Variants in KIAA1958 observed in about 807,000 individuals in gnomAD.
KIAA1958 encodes uncharacterized protein KIAA1958.
In KIAA1958, 14 loss-of-function variants were observed where a neutral mutation model predicts 47.2. The ratio of observed to expected loss-of-function variants is 0.30; its 90% CI spans 0.20 to 0.46. KIAA1958 has a LOEUF of 0.46. Ranked by LOEUF, KIAA1958 falls within the 20% of genes least tolerant of loss-of-function variation. The pLI is 1.00. For missense variants in KIAA1958, 803 were observed against 909.2 expected, an observed-to-expected ratio of 0.88 and a Z score of 1.50; for synonymous variants, 354 against 353.3, an observed-to-expected ratio of 1.00 and a Z score of -0.02.
At position 112,645,599 on chromosome 9, in the gene KIAA1958, AAAG is replaced by A. The variant is rs776162745; in HGVS notation, c.1172-47_1172-45del. On this transcript the variant is annotated intron_variant, in intron 2 of 3. Coordinates refer to ENST00000337530, the MANE Select transcript of KIAA1958 (RefSeq NM_133465.4). ...TTATCATCCCAAGATGTAATTCTCT[AAAG>A]AAGGGAATGGCAAATTATTTTAATG... The A allele has an allele frequency of 4.5e-5, 57 of 1,276,008 alleles. 1 individual carries two copies. Among genetic ancestry groups the A allele is most frequent in the Non-Finnish European group, 5.4e-5 (49 of 911,948 alleles). 79.0% of individuals were successfully genotyped at this position (1,276,008 alleles called of 1,614,324 possible). A position where few individuals can be genotyped will look rare whatever the true frequency, so the allele number is the denominator to read the frequency against.
chr9:112,504,883 G>A (rs761676549), intron 1 of KIAA1958, among the ~76,000 whole-genome samples: 5 of 152,086 alleles, frequency 3.3e-5, no homozygotes, highest in African/African-American at 4.8e-5. Context: ...TGTATAATGC[G>A]TAGTGATCAA....
chr9:112,631,714 T>C (rs1048573375), intron 2 of KIAA1958, among the ~76,000 whole-genome samples: 2 of 152,114 alleles, frequency 1.3e-5, no homozygotes, highest in African/African-American at 4.8e-5. Context: ...CGTTTAACTT[T>C]TGATGTTTGA....
chr9:112,608,938 T>A (rs958813650), intron 2 of KIAA1958, among the ~76,000 whole-genome samples: 7 of 152,204 alleles, frequency 4.6e-5, no homozygotes, highest in Non-Finnish European at 8.8e-5. Flanking sequence ...GTGATAACAC[T>A]AGAAAAATTT....
At chr9:112,632,980 A>T (rs189542893) in intron 2 of KIAA1958, among the ~76,000 whole-genome samples, 83 of 151,800 alleles carry the variant, frequency 5.5e-4, no homozygotes, top group African/African-American at 1.9e-3. Flanking sequence ...CAGGTACCTA[A>T]ATTTGCTTTT....
chr9:112,495,221 A>G (rs894068210), intron 1 of KIAA1958, among the ~76,000 whole-genome samples: 3 of 151,894 alleles, frequency 2.0e-5, no homozygotes, highest in African/African-American at 7.3e-5. Context: ...CTATTTTCTT[A>G]ATTCCTCTTA....
intron 2 of KIAA1958, among the ~76,000 whole-genome samples, chr9:112,584,807 G>A (rs1277233612): frequency 6.6e-5 from 10 of 152,158 alleles, no homozygotes; most frequent in South Asian, 2.1e-4. Context: ...AAGTTATGAC[G>A]GGTGAGAGGG....
intron 1 of KIAA1958, among the ~76,000 whole-genome samples, chr9:112,529,423 C>G (rs1038559643): frequency 1.3e-5 from 2 of 152,184 alleles, no homozygotes; most frequent in Non-Finnish European, 2.9e-5. Context: ...TCCAGGACCC[C>G]ATCCACAATA....
rs76336302 is a variant in KIAA1958 at position 112,586,301 on chromosome 9, G to A, written c.1171+11050G>A. ...ACCCATTCCATGTCATAATTTATTCGAAACACTTTCTACTCAGCTAAAAAT... is the reference window on the plus strand; with the variant it reads ...ACCCATTCCATGTCATAATTTATTCAAAACACTTTCTACTCAGCTAAAAAT... On this transcript the variant is annotated intron_variant, in intron 2 of 3. Transcript: ENST00000337530. Among the ~76,000 whole-genome samples the A allele has an allele frequency of 4.0e-3, 608 of 152,190 alleles. 2 individuals are homozygous for A. The highest frequency in any genetic ancestry group is 0.014 in the African/African-American group (574 of 41,536).
chr9:112,627,214 A>G (rs1280176564), intron 2 of KIAA1958, among the ~76,000 whole-genome samples: 1 of 152,220 alleles, frequency 6.6e-6, no homozygotes, highest in African/African-American at 2.4e-5. Context: ...TGAAAGCAAA[A>G]AACATTTGCA....
intron 2 of KIAA1958, chr9:112,617,854 C>G: frequency 6.5e-7 from 1 of 1,533,540 alleles, no homozygotes; most frequent in Non-Finnish European, 8.8e-7. Context: ...TATCCCTCCC[C>G]CCCCAATTTG....
chr9:112,486,982 T>C lies in KIAA1958; in HGVS notation c.-161T>C, dbSNP rs6477940. On this transcript the variant is annotated 5_prime_UTR_variant, in exon 1 of 4. Transcript: ENST00000337530. The stretch of plus-strand genomic sequence containing the variant: ...GCGCCTTCCCCGCTCCACTTACCTT[T>C]GGTGCCCGGCCCTCTGGCCGCTCTC... The C allele has an allele frequency of 0.95, 168,023 of 176,226 alleles. 80,218 individuals are homozygous for C. Among genetic ancestry groups the C allele is most frequent in the African/African-American group, 0.98 (40,790 of 41,462 alleles). The allele number at this position is 176,226 out of a possible 1,614,324, so 10.9% of individuals were successfully genotyped here.
At chr9:112,552,786 A>G (rs1835173954) in intron 1 of KIAA1958, among the ~76,000 whole-genome samples, 1 of 152,146 alleles carries the variant, frequency 6.6e-6, no homozygotes, top group Non-Finnish European at 1.5e-5. Context: ...TCCATTCATG[A>G]TCATCTTCAA....
At chr9:112,491,879 C>T (rs1833976857) in intron 1 of KIAA1958, among the ~76,000 whole-genome samples, 1 of 152,112 alleles carries the variant, frequency 6.6e-6, no homozygotes, top group Non-Finnish European at 1.5e-5. Context: ...ACTGATACTG[C>T]TTTAACCTTT....
At chr9:112,641,483 A>C (rs192125750) in intron 2 of KIAA1958, among the ~76,000 whole-genome samples, 1 of 149,332 alleles carries the variant, frequency 6.7e-6, no homozygotes, top group Admixed American at 6.6e-5. Flanking sequence ...AGACTTTGGA[A>C]ATTTCACCAA....
intron 2 of KIAA1958, among the ~76,000 whole-genome samples, chr9:112,623,913 G>T (rs1397637888): frequency 1.3e-5 from 2 of 152,132 alleles, no homozygotes; most frequent in African/African-American, 4.8e-5. Flanking sequence ...TCGACTATCT[G>T]CAGTTTAATG....
chr9:112,583,426 C>A (rs1160351061), intron 2 of KIAA1958, among the ~76,000 whole-genome samples: 1 of 152,122 alleles, frequency 6.6e-6, no homozygotes, highest in Non-Finnish European at 1.5e-5. Context: ...TTTACAATAT[C>A]AAAGTTTAAA....
intron 2 of KIAA1958, among the ~76,000 whole-genome samples, chr9:112,613,040 A>T (rs1401246515): frequency 6.6e-6 from 1 of 152,196 alleles, no homozygotes; most frequent in African/African-American, 2.4e-5. Context: ...CCTCCCCCCC[A>T]TTTTGAAAGG....
intron 1 of KIAA1958, among the ~76,000 whole-genome samples, chr9:112,533,865 G>A (rs1834809576): frequency 6.6e-6 from 1 of 152,140 alleles, no homozygotes; most frequent in Non-Finnish European, 1.5e-5. Context: ...TGGGGACTAT[G>A]GGGATTACAA....
At position 112,510,046 on chromosome 9, in the gene KIAA1958, G is replaced by GC. The variant is rs1411627716; in HGVS notation, c.-25+22932dup. 2.6e-5 allele frequency among the ~76,000 whole-genome samples: 4 copies of GC among 152,188 alleles called. No homozygotes were observed. In the East Asian group the frequency reaches 7.7e-4, roughly 29 times the overall value. On this transcript the variant is annotated intron_variant, in intron 1 of 3. Coordinates refer to ENST00000337530, the MANE Select transcript of KIAA1958 (RefSeq NM_133465.4). ...TCTGAGTGCTAAAGGAAGTGGTGCA[G>GC]CCCCTTCCACACAAATTTGCTCCTA...
Sources: gnomAD v4.1 joint callset for allele counts (sites outside exome capture counted in the v4.1 genomes callset) on GRCh38, gnomAD v4.1.1 for gene constraint, MANE v1.5 for transcripts, NCBI Gene and HGNC (gene_info 2026-07-23, HGNC 2026-07-21) for gene names.